Variants in RSBN1L observed in about 807,000 individuals in gnomAD.
RSBN1L encodes the protein round spermatid basic protein 1 like, also known as lysine-specific demethylase RSBN1L.
Under a neutral mutation model 67.7 loss-of-function variants are expected in RSBN1L, and 30 were observed. That is an observed-to-expected ratio of 0.44 (90% CI 0.33 to 0.60). The LOEUF is 0.60. Ranked by LOEUF, RSBN1L falls within the 20% of genes least tolerant of loss-of-function variation. The pLI, the probability that RSBN1L is intolerant of heterozygous loss-of-function variation, is 0.02. For synonymous variants in RSBN1L, 433 were observed against 387.0 expected, an observed-to-expected ratio of 1.12 and a Z score of -1.39; for missense variants, 992 against 1,031.7, an observed-to-expected ratio of 0.96 and a Z score of 0.53.
chr7:77,742,900 C>T (rs1372706108), intron 2 of RSBN1L, among the ~76,000 whole-genome samples: 3 of 152,158 alleles, frequency 2.0e-5, no homozygotes, highest in African/African-American at 7.2e-5. Flanking sequence ...AAGACTCTTA[C>T]TTATGGAATG....
rs1791963399 is a variant in RSBN1L at position 77,779,309 on chromosome 7, C to G, written c.*141C>G. 1 of 634,944 alleles carries G rather than the reference C, an allele frequency of 1.6e-6. No homozygotes were observed. The highest frequency in any genetic ancestry group is 1.9e-5 in the African/African-American group (1 of 54,028). The allele number at this position is 634,944 out of a possible 1,614,324, so 39.3% of individuals were successfully genotyped here. On this transcript the variant is annotated 3_prime_UTR_variant, in exon 8 of 8. Transcript: ENST00000334955. Reference sequence around the variant, plus strand: ...GTAGCTTTGTAACATTCCTCAGTGCCTGTCCATAACTGTGAAGTATTAAGC... The same window carrying G: ...GTAGCTTTGTAACATTCCTCAGTGCGTGTCCATAACTGTGAAGTATTAAGC...
intron 2 of RSBN1L, among the ~76,000 whole-genome samples, chr7:77,747,156 T>G (rs994927446): frequency 4.6e-5 from 7 of 152,310 alleles, no homozygotes; most frequent in Admixed American, 1.3e-4. Context: ...TTCCCCACAT[T>G]ACCTTTTCCA....
intron 1 of RSBN1L, among the ~76,000 whole-genome samples, chr7:77,731,354 A>G (rs1298871616): frequency 6.6e-6 from 1 of 151,422 alleles, no homozygotes; most frequent in Non-Finnish European, 1.5e-5. Context: ...TCCCACCTCA[A>G]CCTCCCGAGT....
At chr7:77,771,068 A>T (rs545281535) in intron 5 of RSBN1L, among the ~76,000 whole-genome samples, 1 of 152,196 alleles carries the variant, frequency 6.6e-6, no homozygotes, top group East Asian at 1.9e-4. Flanking sequence ...CAGCCTCCCG[A>T]GTAGCTGGGA....
chr7:77,698,930 A>G (rs955364161), intron 1 of RSBN1L, among the ~76,000 whole-genome samples: 1 of 152,170 alleles, frequency 6.6e-6, no homozygotes, highest in East Asian at 1.9e-4. Flanking sequence ...GGGAATACTT[A>G]TATCTTTCTA....
At chr7:77,721,444 A>G (rs758366520) in intron 1 of RSBN1L, among the ~76,000 whole-genome samples, 2 of 152,184 alleles carry the variant, frequency 1.3e-5, no homozygotes, top group African/African-American at 4.8e-5. Flanking sequence ...AGGAGGGCAG[A>G]TTGAGCAGTT....
At chr7:77,763,214 A>G (rs1276780492) in intron 3 of RSBN1L, among the ~76,000 whole-genome samples, 2 of 150,230 alleles carry the variant, frequency 1.3e-5, no homozygotes, top group Non-Finnish European at 2.9e-5. Flanking sequence ...CCTGGGCTCA[A>G]GTGATCCTCT....
At position 77,779,429 on chromosome 7, in the gene RSBN1L, A is replaced by T. The variant is rs1791964954; in HGVS notation, c.*261A>T. On this transcript the variant is annotated 3_prime_UTR_variant, in exon 8 of 8. Coordinates refer to ENST00000334955, the MANE Select transcript of RSBN1L (RefSeq NM_198467.3). Reference sequence around the variant, plus strand: ...ACGTTGGAATTTTAGGTTTTAGAATAGAGCTGACATTAACATATATATATA... The same window carrying T: ...ACGTTGGAATTTTAGGTTTTAGAATTGAGCTGACATTAACATATATATATA... 1 of 175,586 alleles carries T rather than the reference A, an allele frequency of 5.7e-6. No homozygotes were observed. Among genetic ancestry groups the T allele is most frequent in the Admixed American group, 6.5e-5 (1 of 15,318 alleles). 10.9% of individuals were successfully genotyped at this position (175,586 alleles called of 1,614,324 possible).
Position 77,715,595 on chromosome 7 carries a change from C to T in RSBN1L, c.586+18540C>T, listed in dbSNP as rs545730174. Among the ~76,000 whole-genome samples, 4 of 152,310 alleles carry T rather than the reference C, an allele frequency of 2.6e-5. No individual in the cohort carries two copies. In the South Asian group the frequency reaches 8.3e-4, roughly 32 times the overall value. On this transcript the variant is annotated intron_variant, in intron 1 of 7. Transcript: ENST00000334955. ...AAGTGCTAGAATTACAGGCACGACA[C>T]TGTGCCTGGCCCTAGCAGTGGAATT...
At chr7:77,740,452 G>A (rs1165771265) in intron 2 of RSBN1L, among the ~76,000 whole-genome samples, 3 of 152,176 alleles carry the variant, frequency 2.0e-5, no homozygotes, top group Admixed American at 6.5e-5. Flanking sequence ...TGTACTAAAG[G>A]TCACAGGTAG....
intron 3 of RSBN1L, among the ~76,000 whole-genome samples, chr7:77,757,983 C>G (rs946267076): frequency 3.3e-4 from 49 of 148,640 alleles, no homozygotes; most frequent in African/African-American, 1.1e-3. Context: ...AATTTTTTTT[C>G]TTGTGACAGA....
At chr7:77,765,217 T>A (rs1239437374) in intron 3 of RSBN1L, among the ~76,000 whole-genome samples, 1 of 152,214 alleles carries the variant, frequency 6.6e-6, no homozygotes, top group African/African-American at 2.4e-5. Context: ...GAATTAATGC[T>A]TATTTGTCTT....
chr7:77,736,299 C>CA, intron 1 of RSBN1L, 111 bp from the exon 2 acceptor site: 1 of 394,118 alleles, frequency 2.5e-6, no homozygotes, highest in East Asian at 5.8e-5. Context: ...ATTTGTTCCT[C>CA]ATTCTGATTT....
chr7:77,714,248 A>G (rs547227316), intron 1 of RSBN1L, among the ~76,000 whole-genome samples: 2 of 152,206 alleles, frequency 1.3e-5, no homozygotes, highest in Non-Finnish European at 2.9e-5. Flanking sequence ...TACATAAAAT[A>G]GATTTGCCCT....
At chr7:77,743,919 T>C (rs1437037060) in intron 2 of RSBN1L, among the ~76,000 whole-genome samples, 1 of 152,182 alleles carries the variant, frequency 6.6e-6, no homozygotes, top group Non-Finnish European at 1.5e-5. Context: ...AGAGATGAGG[T>C]CTCTCTATGT....
chr7:77,767,096 C>G (rs1791778354), intron 4 of RSBN1L, among the ~76,000 whole-genome samples: 1 of 142,986 alleles, frequency 7.0e-6, no homozygotes, highest in Non-Finnish European at 1.5e-5. Flanking sequence ...TTCCCTTTCC[C>G]TTTCCCTTCC....
intron 1 of RSBN1L, among the ~76,000 whole-genome samples, chr7:77,716,690 G>A (rs1479638198): frequency 7.2e-6 from 1 of 139,826 alleles, no homozygotes; most frequent in Non-Finnish European, 1.5e-5. Context: ...GGAGTGCAGT[G>A]GCTCAGTCTT....
intron 1 of RSBN1L, among the ~76,000 whole-genome samples, chr7:77,698,922 G>T (rs1790776514): frequency 6.6e-6 from 1 of 152,016 alleles, no homozygotes; most frequent in Non-Finnish European, 1.5e-5. Context: ...GTAACTTGGG[G>T]AATACTTATA....
At position 77,739,739 on chromosome 7, in the gene RSBN1L, C is replaced by CTTTTTTTT. The variant is rs1173154183; in HGVS notation, c.703+3235_703+3242dup. ...AAAAAAAAAAAAAAAAAAAATGTGTCTTTTTTTTTTTTTTTTTTTTTTTTT... is the reference window on the plus strand; with the variant it reads ...AAAAAAAAAAAAAAAAAAAATGTGTCTTTTTTTTTTTTTTTTTTTTTTTTTTTTTTTTT... On this transcript the variant is annotated intron_variant, in intron 2 of 7. Coordinates refer to ENST00000334955, the MANE Select transcript of RSBN1L (RefSeq NM_198467.3). Among the ~76,000 whole-genome samples, 251 of 42,688 alleles carry CTTTTTTTT rather than the reference C, an allele frequency of 5.9e-3. 48 individuals are homozygous for CTTTTTTTT. The highest frequency in any genetic ancestry group is 0.017 in the East Asian group (18 of 1,032). The allele number at this position is 42,688 out of a possible 152,430, so 28.0% of individuals were successfully genotyped here. A position where few individuals can be genotyped will look rare whatever the true frequency, so the allele number is the denominator to read the frequency against.
Sources: gnomAD v4.1 joint callset for allele counts (sites outside exome capture counted in the v4.1 genomes callset) on GRCh38, gnomAD v4.1.1 for gene constraint, MANE v1.5 for transcripts, NCBI Gene and HGNC (gene_info 2026-07-23, HGNC 2026-07-21) for gene names.